Variants in FAM53A observed in about 807,000 individuals in gnomAD.
The protein encoded by FAM53A is family with sequence similarity 53 member A.
FAM53A carries 28 observed loss-of-function variants against 26.6 expected under a neutral mutation model. The observed-to-expected ratio is 1.05, with a 90% confidence interval of 0.78 to 1.45. FAM53A has a LOEUF of 1.45. Ranked by LOEUF, FAM53A falls within the 40% of genes most tolerant of loss-of-function variation. The pLI, the probability that FAM53A is intolerant of heterozygous loss-of-function variation, is 0.00. For missense variants in FAM53A, 650 were observed against 575.8 expected (o/e 1.13, Z -1.32); for synonymous variants, 290 against 253.1 (o/e 1.15, Z -1.38).
At chr4:1,611,790 C>G in the FAM53A span, among the ~76,000 whole-genome samples, 3 of 152,216 alleles carry the variant, frequency 2.0e-5, no homozygotes, top group African/African-American at 7.2e-5. Flanking sequence ...GCCCCTCTGC[C>G]AGGAGGTGGC....
chr4:1,668,295 G>A (rs929517351), intron 2 of FAM53A, among the ~76,000 whole-genome samples: 3 of 152,036 alleles, frequency 2.0e-5, no homozygotes, highest in Non-Finnish European at 2.9e-5. Context: ...GCCTGCTACC[G>A]TGCCCGGCTA....
At chr4:1,621,172 G>T (rs532684557) in intron 1 of FAM53A, among the ~76,000 whole-genome samples, 1 of 142,928 alleles carries the variant, frequency 7.0e-6, no homozygotes, top group Non-Finnish European at 1.5e-5. Flanking sequence ...GCACAATCTC[G>T]GCTCACTACA....
chr4:1,595,907 T>TG, the FAM53A span, among the ~76,000 whole-genome samples: 2 of 152,208 alleles, frequency 1.3e-5, no homozygotes, highest in Non-Finnish European at 2.9e-5. Flanking sequence ...GTGGTGCAGG[T>TG]GCTCAGTGAT....
chr4:1,575,074 A>G, the FAM53A span, among the ~76,000 whole-genome samples: 4 of 152,112 alleles, frequency 2.6e-5, no homozygotes. Context: ...GCCCACCAAG[A>G]GGACAGGGTG....
In FAM53A at chr4:1,630,453, C is replaced by T. The variant is rs79823659; in HGVS notation, c.432-12342G>A. On this transcript the variant is annotated intron_variant, in intron 1 of 1. Coordinates refer to the FAM53A transcript ENST00000489029. The surrounding 1 kb of genome is among the most constrained non-coding windows in gnomAD (Gnocchi z 4.3). ...CCGCGTCTGTATGTGGCCAGTGGGC[C>T]GCGGTTTGCCGACCCCCAACTCATG... Among the ~76,000 whole-genome samples the T allele has an allele frequency of 1.1e-3, 171 of 152,324 alleles. No individual in the cohort carries two copies. The highest frequency in any genetic ancestry group is 3.9e-3 in the African/African-American group (162 of 41,566).
intron 1 of FAM53A, among the ~76,000 whole-genome samples, chr4:1,633,395 T>C (rs964760983): frequency 4.6e-5 from 7 of 152,220 alleles, no homozygotes; most frequent in East Asian, 1.9e-4. Flanking sequence ...TATAATTATA[T>C]GGAAAGAGAA....
intron 1 of FAM53A, among the ~76,000 whole-genome samples, chr4:1,631,910 C>A (rs1421369845): frequency 6.6e-6 from 1 of 152,154 alleles, no homozygotes; most frequent in African/African-American, 2.4e-5. Flanking sequence ...CGCCTGTAAT[C>A]CCAACACTTT....
At chr4:1,591,945 G>T in the FAM53A span, among the ~76,000 whole-genome samples, 1 of 152,226 alleles carries the variant, frequency 6.6e-6, no homozygotes, top group Non-Finnish European at 1.5e-5. Context: ...GGTAGAAAGA[G>T]AAGACTTTAA....
chr4:1,652,909 C>T (rs1441130059), intron 4 of FAM53A, among the ~76,000 whole-genome samples: 2 of 149,978 alleles, frequency 1.3e-5, no homozygotes, highest in Non-Finnish European at 3.0e-5. Flanking sequence ...ACACACTACA[C>T]ACCAGACAGC....
At chr4:1,652,166 CCCACACG>C (rs1272080447) in intron 4 of FAM53A, among the ~76,000 whole-genome samples, 1 of 138,674 alleles carries the variant, frequency 7.2e-6, no homozygotes. Flanking sequence ...ACACACACAC[CCCACACG>C]CCACACACAC....
chr4:1,663,638 T>C (rs1714014880), intron 2 of FAM53A, among the ~76,000 whole-genome samples: 1 of 151,872 alleles, frequency 6.6e-6, no homozygotes, highest in African/African-American at 2.4e-5. Context: ...CTAGAAGTGT[T>C]TCTGGTACAA....
chr4:1,580,832 TC>T, the FAM53A span, among the ~76,000 whole-genome samples: 9 of 26,890 alleles, frequency 3.3e-4, no homozygotes, highest in Non-Finnish European at 6.5e-5. Context: ...CCCACCCAGG[TC>T]CCCCCCTCTA....
intron 4 of FAM53A, 50 bp downstream of exon 4, chr4:1,654,928 C>G: frequency 6.7e-7 from 1 of 1,483,128 alleles, no homozygotes; most frequent in African/African-American, 1.5e-5. Context: ...CCAGCACCGC[C>G]CTGTCCAGAT....
chr4:1,634,701 C>G (rs891298744), intron 1 of FAM53A, among the ~76,000 whole-genome samples: 1 of 151,698 alleles, frequency 6.6e-6, no homozygotes, highest in Non-Finnish European at 1.5e-5. Flanking sequence ...AGTTCAAGAC[C>G]AGCCTGGCCA....
chr4:1,632,283 GGAA>G (rs1715641911), intron 1 of FAM53A, among the ~76,000 whole-genome samples: 1 of 152,080 alleles, frequency 6.6e-6, no homozygotes, highest in South Asian at 2.1e-4. Flanking sequence ...CATAGGAAGA[GGAA>G]GAAGATGAGG....
chr4:1,665,228 G>T (rs908156482), intron 2 of FAM53A, among the ~76,000 whole-genome samples: 1 of 151,966 alleles, frequency 6.6e-6, no homozygotes, highest in East Asian at 1.9e-4. Context: ...TGAGGCAAGA[G>T]AATTGCTTGA....
At chr4:1,641,648 A>G (rs1320467219) in intron 4 of FAM53A, 41 bp from the exon 5 acceptor site, 1 of 1,604,842 alleles carries the variant, frequency 6.2e-7, no homozygotes, top group Non-Finnish European at 8.5e-7. Context: ...TTTCTAGCAG[A>G]TCACACAGGA....
At position 1,640,651 on chromosome 4, in the gene FAM53A, G is replaced by A. The variant is rs1160090767; in HGVS notation, c.*642C>T. 2.8e-6 allele frequency: 1 copy of A among 362,142 alleles called. No homozygotes were observed. Among genetic ancestry groups the A allele is most frequent in the Non-Finnish European group, 5.2e-6 (1 of 193,414 alleles). 22.4% of individuals were successfully genotyped at this position (362,142 alleles called of 1,614,324 possible). A position where few individuals can be genotyped will look rare whatever the true frequency, so the allele number is the denominator to read the frequency against. On this transcript the variant is annotated 3_prime_UTR_variant, in exon 5 of 5. Coordinates refer to ENST00000308132, the MANE Select transcript of FAM53A (RefSeq NM_001174070.3). ...TGCCCCAGGGCAGGTGCCGGCAGCA[G>A]CCATGGCCCCGACCAGCTCACATGA...
At chr4:1,592,824 G>A in the FAM53A span, among the ~76,000 whole-genome samples, 1 of 152,248 alleles carries the variant, frequency 6.6e-6, no homozygotes, top group African/African-American at 2.4e-5. Context: ...CTGAGTGGGC[G>A]CCGGGCACCA....
Sources: gnomAD v4.1 joint callset for allele counts (sites outside exome capture counted in the v4.1 genomes callset) on GRCh38, gnomAD v4.1.1 for gene constraint, Gnocchi (gnomAD v3.1) non-coding constraint, MANE v1.5 for transcripts, NCBI Gene and HGNC (gene_info 2026-07-23, HGNC 2026-07-21) for gene names.